Variants in AUTS2 observed in about 807,000 individuals in gnomAD.
AUTS2 encodes activator of transcription and developmental regulator AUTS2, also known as autism susceptibility gene 2 protein.
In AUTS2, 17 loss-of-function variants were observed where a neutral mutation model predicts 112.4. That is an observed-to-expected ratio of 0.15 (90% CI 0.10 to 0.23). The LOEUF (loss-of-function observed/expected upper bound fraction) is 0.23. Ranked by LOEUF, AUTS2 falls within the 10% of genes least tolerant of loss-of-function variation. The pLI, the probability that AUTS2 is intolerant of heterozygous loss-of-function variation, is 1.00. For missense variants in AUTS2, 1,510 were observed against 1,701.6 expected, an observed-to-expected ratio of 0.89 and a Z score of 1.98; for synonymous variants, 751 against 702.7, an observed-to-expected ratio of 1.07 and a Z score of -1.09.
chr7:69,825,566 A>T (rs1791203570), intron 1 of AUTS2, among the ~76,000 whole-genome samples: 1 of 152,124 alleles, frequency 6.6e-6, no homozygotes, highest in South Asian at 2.1e-4. Context: ...TTTGGAGGGT[A>T]ACAAGTGTGT....
At chr7:70,734,488 A>T (rs1025918469) in intron 6 of AUTS2, among the ~76,000 whole-genome samples, 9 of 151,808 alleles carry the variant, frequency 5.9e-5, no homozygotes, top group Admixed American at 5.9e-4. Context: ...TAGTATGGGG[A>T]TACATTGTCC....
At chr7:70,488,060 G>A (rs781575366) in intron 5 of AUTS2, among the ~76,000 whole-genome samples, 30 of 152,212 alleles carry the variant, frequency 2.0e-4, no homozygotes, top group Admixed American at 1.8e-3. Flanking sequence ...CACGGGCACC[G>A]CCCTTCGAGG....
At chr7:70,107,335 C>CTT (rs35066322) in intron 2 of AUTS2, among the ~76,000 whole-genome samples, 2,737 of 96,910 alleles carry the variant, frequency 0.028, 147 homozygotes, top group Middle Eastern at 0.074. Flanking sequence ...AGATGAGAAG[C>CTT]TTTTTTTTTT....
intron 1 of AUTS2, among the ~76,000 whole-genome samples, chr7:69,741,989 C>T (rs1490682688): frequency 1.3e-5 from 2 of 151,964 alleles, no homozygotes; most frequent in South Asian, 4.1e-4. Flanking sequence ...TTTGTAGAGA[C>T]AGGGTCTCCC....
chr7:69,965,456 G>A (rs1797600648), intron 2 of AUTS2, among the ~76,000 whole-genome samples: 1 of 152,164 alleles, frequency 6.6e-6, no homozygotes, highest in African/African-American at 2.4e-5. Flanking sequence ...ATGCACAGAA[G>A]TAAACAGGCA....
At chr7:70,168,563 C>T (rs577951793) in intron 4 of AUTS2, among the ~76,000 whole-genome samples, 1 of 152,226 alleles carries the variant, frequency 6.6e-6, no homozygotes, top group African/African-American at 2.4e-5. Context: ...GTGACCTGCC[C>T]GCCTTGGCTT....
intron 1 of AUTS2, among the ~76,000 whole-genome samples, chr7:69,732,811 A>C (rs4718905): frequency 0.12 from 17,650 of 152,280 alleles, 1,936 homozygotes; most frequent in East Asian, 0.54. Flanking sequence ...TGAATAGTCA[A>C]AGAAGGCATG....
chr7:70,167,559 C>T (rs1417384045), intron 4 of AUTS2, among the ~76,000 whole-genome samples: 3 of 152,164 alleles, frequency 2.0e-5, no homozygotes, highest in Non-Finnish European at 4.4e-5. Context: ...CACTACCGGT[C>T]ACCTTGACTC....
At chr7:70,224,879 A>C (rs1811683494) in intron 4 of AUTS2, among the ~76,000 whole-genome samples, 1 of 152,236 alleles carries the variant, frequency 6.6e-6, no homozygotes, top group Admixed American at 6.5e-5. Flanking sequence ...AGTCACATGC[A>C]AGTTTATAGC....
At chr7:69,829,613 G>A (rs1791409629) in intron 1 of AUTS2, among the ~76,000 whole-genome samples, 4 of 151,972 alleles carry the variant, frequency 2.6e-5, no homozygotes, top group South Asian at 4.1e-4. Context: ...ACATTTATGC[G>A]GCCAAAAAAC....
intron 4 of AUTS2, among the ~76,000 whole-genome samples, chr7:70,415,291 C>G (rs1794943358): frequency 6.6e-6 from 1 of 152,166 alleles, no homozygotes; most frequent in Non-Finnish European, 1.5e-5. Context: ...CAAGTCATGC[C>G]CCTCTCTGAT....
At chr7:69,722,105 C>T (rs373618765) in intron 1 of AUTS2, among the ~76,000 whole-genome samples, 2 of 149,712 alleles carry the variant, frequency 1.3e-5, no homozygotes, top group East Asian at 3.9e-4. Context: ...GTGACTTTCC[C>T]AGCCTTGAAA....
rs1322316411 is a variant in AUTS2 at position 70,609,960 on chromosome 7, T to TTGTTGTTGC, written c.691-88601_691-88600insCTGTTGTTG. 9.1e-4 allele frequency among the ~76,000 whole-genome samples: 14 copies of TTGTTGTTGC among 15,314 alleles called. No homozygotes were observed. In the East Asian group the frequency reaches 0.016, roughly 17 times the overall value. The allele number at this position is 15,314 out of a possible 152,430, so 10.0% of individuals were successfully genotyped here. A position where few individuals can be genotyped will look rare whatever the true frequency, so the allele number is the denominator to read the frequency against. On this transcript the variant is annotated intron_variant, in intron 5 of 18. Coordinates refer to ENST00000342771, the MANE Select transcript of AUTS2 (RefSeq NM_015570.4). ...CTGAATCATATGGAAGTTCTGTTTT[T>TTGTTGTTGC]TGTTGTTGTTGTTGTTGTTGTTGTT...
chr7:70,082,776 C>T (rs1803385047), intron 2 of AUTS2, among the ~76,000 whole-genome samples: 1 of 152,172 alleles, frequency 6.6e-6, no homozygotes, highest in African/African-American at 2.4e-5. Flanking sequence ...TACCTTCTTG[C>T]CTCCTATTCA....
rs1584083571 is a variant in AUTS2, at chr7:69,693,181, A to G, written c.309+93219A>G. 2.0e-5 allele frequency among the ~76,000 whole-genome samples: 3 copies of G among 152,194 alleles called. No homozygotes were observed. In the South Asian group the frequency reaches 6.2e-4, roughly 31 times the overall value. Reference sequence around the variant, plus strand: ...TGAGCCTCAGTTTCAGCATCTGTACAGTGAGGATTCTATTTATTTCATACT... The same window carrying G: ...TGAGCCTCAGTTTCAGCATCTGTACGGTGAGGATTCTATTTATTTCATACT... On this transcript the variant is annotated intron_variant, in intron 1 of 18. Coordinates refer to ENST00000342771, the MANE Select transcript of AUTS2 (RefSeq NM_015570.4).
intron 4 of AUTS2, among the ~76,000 whole-genome samples, chr7:70,420,916 A>G (rs1169124720): frequency 6.6e-6 from 1 of 152,158 alleles, no homozygotes; most frequent in Non-Finnish European, 1.5e-5. Context: ...GCCTTTTACC[A>G]ATGTCAGTTA....
At chr7:70,518,637 C>T (rs1440636063) in intron 5 of AUTS2, among the ~76,000 whole-genome samples, 1 of 151,340 alleles carries the variant, frequency 6.6e-6, no homozygotes, top group Middle Eastern at 3.4e-3. Flanking sequence ...GAGCCGAGAT[C>T]GCGCCACTGC....
At chr7:70,073,774 T>G (rs893189429) in intron 2 of AUTS2, among the ~76,000 whole-genome samples, 10 of 152,198 alleles carry the variant, frequency 6.6e-5, no homozygotes, top group African/African-American at 2.2e-4. Flanking sequence ...CTTTGCTTCC[T>G]TCCTCCTTAT....
intron 2 of AUTS2, among the ~76,000 whole-genome samples, chr7:70,059,535 T>A (rs13227197): frequency 0.097 from 14,755 of 152,248 alleles, 767 homozygotes; most frequent in Admixed American, 0.12. Context: ...TTATCAATAT[T>A]ACAGAGCTAT....
Sources: allele counts gnomAD v4.1 joint callset (sites outside exome capture counted in the v4.1 genomes callset), GRCh38; gene constraint gnomAD v4.1.1; transcripts MANE v1.5; gene names NCBI Gene and HGNC (gene_info 2026-07-23, HGNC 2026-07-21).